Variants in MUC5B observed in about 807,000 individuals in gnomAD.
The protein encoded by MUC5B is mucin-5B.
Under a neutral mutation model 376.9 loss-of-function variants are expected in MUC5B, and 116 were observed. The observed-to-expected ratio is 0.31, with a 90% CI of 0.26 to 0.36. The LOEUF (loss-of-function observed/expected upper bound fraction) is 0.36. Among genes scored for constraint, MUC5B ranks in the 10% least tolerant of loss-of-function variants. The pLI is 1.00. For synonymous variants in MUC5B, 3,517 were observed against 3,390.9 expected, an observed-to-expected ratio of 1.04 and a Z score of -1.29; for missense variants, 7,165 against 7,769.9, an observed-to-expected ratio of 0.92 and a Z score of 2.93.
At position 1,233,116 on chromosome 11, in the gene MUC5B, C is replaced by G. The variant is rs763022996; in HGVS notation, c.2169C>G (p.Ser723Arg). ...TGAGTGAGGCCGACGTCACCTGCAGCGTTTCCTTCGTGCCTGTGGACGGCT... is the reference window on the plus strand; with the variant it reads ...TGAGTGAGGCCGACGTCACCTGCAGGGTTTCCTTCGTGCCTGTGGACGGCT... ...RGLSEADVTCSVSFVPVDGCT... is the reference protein window; with the variant it reads ...RGLSEADVTCRVSFVPVDGCT... Residue 723 changes from serine to arginine, a missense_variant, in exon 18 of 49, where the codon AGC (serine) becomes AGG (arginine). Ser to Arg is a moderately radical substitution (Grantham distance 110, BLOSUM62 -1). Transcript: ENST00000529681. 1.9e-6 allele frequency: 3 copies of G among 1,607,672 alleles called. No homozygotes were observed. The highest frequency in any genetic ancestry group is 2.5e-6 in the Non-Finnish European group (3 of 1,179,480).
intron 34 of MUC5B, 137 bp downstream of exon 34, chr11:1,254,488 C>A: frequency 1.5e-6 from 2 of 1,361,384 alleles, no homozygotes; most frequent in Non-Finnish European, 2.0e-6. Context: ...CAGGGAAGGC[C>A]TGTGGAGCCG....
rs746372884 is a variant in MUC5B, at chr11:1,242,349, G to T, written c.5469G>T (p.Trp1823Cys). ...NIRAAGGKMC[W>C]APKSIECRAE... ...GGGCTGCTGGGGGCAAGATGTGCTGGGCACCAAAGAGCATAGAGTGCCGGG... is the reference window on the plus strand; with the variant it reads ...GGGCTGCTGGGGGCAAGATGTGCTGTGCACCAAAGAGCATAGAGTGCCGGG... Residue 1823 changes from tryptophan to cysteine, a missense_variant, in exon 31 of 49, where the codon TGG becomes TGT. This residue lies in a region of MUC5B where 897 missense variants were observed against 779.6 expected (regional missense o/e 1.15). Coordinates refer to ENST00000529681, the MANE Select transcript of MUC5B (RefSeq NM_002458.3). 6.2e-7 allele frequency: 1 copy of T among 1,613,856 alleles called. No homozygotes were observed. Among genetic ancestry groups the T allele is most frequent in the Non-Finnish European group, 8.5e-7 (1 of 1,179,858 alleles).
intron 46 of MUC5B, 90 bp from the exon 47 acceptor site, chr11:1,260,261 C>A: frequency 1.4e-6 from 2 of 1,440,478 alleles, no homozygotes; most frequent in Non-Finnish European, 1.9e-6. Flanking sequence ...GGAGGCCATG[C>A]CCCTGCCCGG....
chr11:1,261,160 A>G (rs1208048529), intron 48 of MUC5B, among the ~76,000 whole-genome samples: 2 of 152,202 alleles, frequency 1.3e-5, no homozygotes, highest in African/African-American at 4.8e-5. Flanking sequence ...TGGTTCAGAC[A>G]GGGGAAGTGC....
At chr11:1,238,429 G>A (rs1229723683) in intron 25 of MUC5B, among the ~76,000 whole-genome samples, 1 of 151,972 alleles carries the variant, frequency 6.6e-6, no homozygotes, top group African/African-American at 2.4e-5. Context: ...GCCCCCAGGT[G>A]GAAAGGAGGC....
Position 1,234,692 on chromosome 11 carries a change from G to C in MUC5B, c.2630+12G>C. 1 of 1,466,874 alleles carries C rather than the reference G, an allele frequency of 6.8e-7. No homozygotes were observed. Among genetic ancestry groups the C allele is most frequent in the Non-Finnish European group, 9.1e-7 (1 of 1,097,190 alleles). The allele number at this position is 1,466,874 out of a possible 1,614,324, so 90.9% of individuals were successfully genotyped here. On this transcript the variant is annotated intron_variant, in intron 21 of 48. Coordinates refer to ENST00000529681, the MANE Select transcript of MUC5B (RefSeq NM_002458.3). The surrounding 1 kb of genome is among the most constrained non-coding windows in gnomAD (Gnocchi z 6.3). ...GACTGCAACACCTGGTGGGTCGTGAGTCTCTCGGAGGCAGCAGGTGGGGAG... is the reference window on the plus strand; with the variant it reads ...GACTGCAACACCTGGTGGGTCGTGACTCTCTCGGAGGCAGCAGGTGGGGAG...
chr11:1,249,944 C>G lies in MUC5B; in HGVS notation c.13064C>G (p.Ser4355Cys). Residue 4355 changes from serine (S) to cysteine (C), a missense_variant, in exon 31 of 49, where the codon TCC (serine) becomes TGC (cysteine). By Grantham distance (112) the Ser-to-Cys change is moderately radical. Coordinates refer to ENST00000529681, the MANE Select transcript of MUC5B (RefSeq NM_002458.3). ...ACCATGTCCACAATCCACCCCTCCT[C>G]CACTCCGGAGACCACCCACACCTCC... ...VATMSTIHPS[S>C]TPETTHTSTV... 2 of 1,612,584 alleles carry G rather than the reference C, an allele frequency of 1.2e-6. No individual in the cohort carries two copies. Among genetic ancestry groups the G allele is most frequent in the Non-Finnish European group, 1.7e-6 (2 of 1,179,132 alleles).
chr11:1,254,798 C>G lies in MUC5B; in HGVS notation c.15582C>G (p.Gly5194=), dbSNP rs542345110. The change falls in exon 35 of 49, where the codon GGC becomes GGG. Residue 5194 remains glycine (G), a synonymous_variant. Transcript: ENST00000529681. ...TGCGTGTGGACATTCCTGCCCTGGG[C>G]GTGAGCGTCACCTTCAATGGCCAAG... The part of the protein sequence containing the change: ...TTMRVDIPAL[G]VSVTFNGQVF... 4 of 1,612,758 alleles carry G rather than the reference C, an allele frequency of 2.5e-6. No individual in the cohort carries two copies. The highest frequency in any genetic ancestry group is 2.7e-5 in the African/African-American group (2 of 75,036).
rs538234800 is a variant in MUC5B, at chr11:1,253,609, G to C, written c.15218-483G>C. On this transcript the variant is annotated intron_variant, in intron 33 of 48. Transcript: ENST00000529681. The surrounding 1 kb of genome is among the most constrained non-coding windows in gnomAD (Gnocchi z 4.3). ...CCTGGAGCTGGAAGTCTGAGATCCA[G>C]GCGGGCAGGGGATAGACTCCCTGCT... Among the ~76,000 whole-genome samples the C allele has an allele frequency of 6.6e-6, 1 of 152,330 alleles. No homozygotes were observed. Among genetic ancestry groups the C allele is most frequent in the South Asian group, 2.1e-4 (1 of 4,826 alleles).
rs547555635 is a variant in MUC5B at position 1,232,998 on chromosome 11, C to T, written c.2066-15C>T. On this transcript the variant is annotated splice_polypyrimidine_tract_variant and intron_variant, in intron 17 of 48. Coordinates refer to ENST00000529681, the MANE Select transcript of MUC5B (RefSeq NM_002458.3). Reference sequence around the variant, plus strand: ...TCGGCCGCTGACCTGTCCCCCCTGGCCCCACCGACCACAGCCAAGTACATG... The same window carrying T: ...TCGGCCGCTGACCTGTCCCCCCTGGTCCCACCGACCACAGCCAAGTACATG... 2 of 1,564,472 alleles carry T rather than the reference C, an allele frequency of 1.3e-6. No homozygotes were observed. The highest frequency in any genetic ancestry group is 1.3e-5 in the African/African-American group (1 of 74,226).
Position 1,251,160 on chromosome 11 carries a change from C to T in MUC5B, c.14280C>T (p.Thr4760=), listed in dbSNP as rs750544555. The T allele has an allele frequency of 1.9e-5, 30 of 1,611,132 alleles. No homozygotes were observed. The highest frequency in any genetic ancestry group is 6.7e-5 in the African/African-American group (5 of 74,700). Residue 4760 remains threonine, a synonymous_variant, in exon 31 of 49, where the codon ACC becomes ACT. Transcript: ENST00000529681. ...FTPIPSSTLW[T]TWTVPAQTTT... is the part of the protein sequence containing the mutation. ...CCATCCCCTCCTCCACCCTGTGGAC[C>T]ACGTGGACCGTCCCAGCACAGACCA...
In MUC5B at chr11:1,259,149, T is replaced by C. The variant is rs55782956; in HGVS notation, c.16713+88T>C. Reference sequence around the variant, plus strand: ...GAGGCACCTGCCCCCAGGTGAGACCTGAGTCACCCGCCCCCAGGTGAGCCC... The same window carrying C: ...GAGGCACCTGCCCCCAGGTGAGACCCGAGTCACCCGCCCCCAGGTGAGCCC... On this transcript the variant is annotated intron_variant, in intron 44 of 48. Coordinates refer to ENST00000529681, the MANE Select transcript of MUC5B (RefSeq NM_002458.3). 615 of 1,020,412 alleles carry C rather than the reference T, an allele frequency of 6.0e-4. 8 individuals carry two copies. The African/African-American group carries it at 0.012, about 20-fold the overall frequency. 63.2% of individuals were successfully genotyped at this position (1,020,412 alleles called of 1,614,324 possible). A position where few individuals can be genotyped will look rare whatever the true frequency, so the allele number is the denominator to read the frequency against.
Position 1,258,881 on chromosome 11 carries a change from G to A in MUC5B, c.16594-61G>A. The A allele has an allele frequency of 6.5e-7, 1 of 1,543,708 alleles. No homozygotes were observed. The highest frequency in any genetic ancestry group is 8.7e-7 in the Non-Finnish European group (1 of 1,143,888). ...CCTGCAGGCCCCATTGGGTCATGGGGAGGGGTCCTGGCCCTGTTGCCCCAC... is the reference window on the plus strand; with the variant it reads ...CCTGCAGGCCCCATTGGGTCATGGGAAGGGGTCCTGGCCCTGTTGCCCCAC... On this transcript the variant is annotated intron_variant, in intron 43 of 48. Coordinates refer to ENST00000529681, the MANE Select transcript of MUC5B (RefSeq NM_002458.3). The surrounding 1 kb of genome is among the most constrained non-coding windows in gnomAD (Gnocchi z 5.5).
Position 1,255,286 on chromosome 11 carries a change from G to T in MUC5B, c.15890+20G>T. The T allele has an allele frequency of 6.6e-7, 1 of 1,508,044 alleles. No individual in the cohort carries two copies. The highest frequency in any genetic ancestry group is 8.9e-7 in the Non-Finnish European group (1 of 1,121,322). 93.4% of individuals were successfully genotyped at this position (1,508,044 alleles called of 1,614,324 possible). On this transcript the variant is annotated intron_variant, in intron 36 of 48. Transcript: ENST00000529681. The stretch of plus-strand genomic sequence containing the variant: ...GAGCCAGTGAGTCCTCCCCTCGGGG[G>T]TTGCAGGCCCTGGGGCGCCCCCGCC...
chr11:1,260,741 C>T lies in MUC5B; in HGVS notation c.17069+13C>T, dbSNP rs1364653358. On this transcript the variant is annotated intron_variant, in intron 48 of 48. Transcript: ENST00000529681. ...CCGGAGCGTCCAAGTGAGTGGGCTC[C>T]TGGCCCTGTGCCAAGAGCACCTGCG... The T allele has an allele frequency of 1.1e-5, 17 of 1,587,036 alleles. No homozygotes were observed. The highest frequency in any genetic ancestry group is 1.5e-5 in the Non-Finnish European group (17 of 1,161,608).
Position 1,246,389 on chromosome 11 carries a change from C to G in MUC5B, c.9509C>G (p.Thr3170Arg). The G allele has an allele frequency of 6.2e-7, 1 of 1,613,608 alleles. No homozygotes were observed. The highest frequency in any genetic ancestry group is 1.1e-5 in the South Asian group (1 of 91,050). Residue 3170 changes from threonine to arginine, a missense_variant, in exon 31 of 49, where the codon ACA becomes AGA. This residue lies in a region of MUC5B where 939 missense variants were observed against 770.6 expected (regional missense o/e 1.22). Transcript: ENST00000529681. ...TGGATCCTCACAGAGCCCAGCACTA[C>G]AGCCACCGTGACGGTGCCCACCGGA... The part of the protein sequence containing the change: ...TTWILTEPST[T>R]ATVTVPTGST...
Position 1,257,449 on chromosome 11 carries a change from G to A in MUC5B, c.16270-81G>A. 2.0e-6 allele frequency: 3 copies of A among 1,530,524 alleles called. No homozygotes were observed. Among genetic ancestry groups the A allele is most frequent in the South Asian group, 2.4e-5 (2 of 84,508 alleles). The allele number at this position is 1,530,524 out of a possible 1,614,324, so 94.8% of individuals were successfully genotyped here. ...CTGGGCCACTCGGGTACCAGCCCGA[G>A]GGAGGGGGTGGCTGGACAGATGCCC... On this transcript the variant is annotated intron_variant, in intron 40 of 48. Transcript: ENST00000529681. This position sits in a 1 kb window ranked among gnomAD's most constrained non-coding sequence, Gnocchi z 8.9.
chr11:1,229,288 C>T lies in MUC5B; in HGVS notation c.1095C>T (p.Cys365=), dbSNP rs1322662312. The change falls in exon 9 of 49, where the codon TGC becomes TGT. Residue 365 remains cysteine (C), a synonymous_variant. Coordinates refer to ENST00000529681, the MANE Select transcript of MUC5B (RefSeq NM_002458.3). ...ACCACTGTGTGGACGGCTGCTTCTGCCCCCCAGGCAGGTCTTGTGTGCCCT... is the reference window on the plus strand; with the variant it reads ...ACCACTGTGTGGACGGCTGCTTCTGTCCCCCAGGCAGGTCTTGTGTGCCCT... ...CEDHCVDGCF[C]PPGTVLDDIT... is the part of the protein sequence containing the mutation. 6 of 1,573,412 alleles carry T rather than the reference C, an allele frequency of 3.8e-6. No individual in the cohort carries two copies. Among genetic ancestry groups the T allele is most frequent in the Non-Finnish European group, 5.2e-6 (6 of 1,163,966 alleles).
At position 1,254,758 on chromosome 11, in the gene MUC5B, T is replaced by C. The variant is rs56232219; in HGVS notation, c.15542T>C (p.Leu5181Pro). 0.03 allele frequency: 47,806 copies of C among 1,612,898 alleles called. 904 individuals are homozygous for C. Among genetic ancestry groups the C allele is most frequent in the Non-Finnish European group, 0.033 (38,502 of 1,179,762 alleles). The change falls in exon 35 of 49, where the codon CTG becomes CCG. Residue 5181 changes from leucine (L) to proline (P), a missense_variant. Physicochemically the swap from Leu to Pro is moderately conservative, Grantham distance 98. Around this residue, in one of 31 missense-constraint regions of MUC5B, gnomAD observed 842 missense variants for 1,016.9 expected, o/e 0.83. Transcript: ENST00000529681. ...FSKNGVLVSV[L>P]GTTTMRVDIP... Reference sequence around the variant, plus strand: ...AAGAACGGCGTGCTTGTGTCTGTGCTGGGGACCACCACCATGCGTGTGGAC... The same window carrying C: ...AAGAACGGCGTGCTTGTGTCTGTGCCGGGGACCACCACCATGCGTGTGGAC...
Sources: allele counts gnomAD v4.1 joint callset (sites outside exome capture counted in the v4.1 genomes callset), GRCh38; gene constraint gnomAD v4.1.1; regional missense constraint gnomAD v4.1.1; non-coding constraint Gnocchi (gnomAD v3.1); transcripts MANE v1.5; gene names NCBI Gene and HGNC (gene_info 2026-07-23, HGNC 2026-07-21).